PECAM1: variants seen among roughly 807,000 people sequenced by gnomAD.
PECAM1 encodes platelet and endothelial cell adhesion molecule 1, also known as platelet endothelial cell adhesion molecule.
A neutral mutation model predicts 13.8 loss-of-function variants in PECAM1; 8 were observed. The ratio of observed to expected loss-of-function variants is 0.58; its 90% CI spans 0.34 to 1.05. The LOEUF (loss-of-function observed/expected upper bound fraction) is 1.05. PECAM1 is among the 50% of genes least tolerant of loss of function. PECAM1 has a pLI of 0.03. For missense variants in PECAM1, 304 were observed against 141.2 expected (o/e 2.15, Z -5.84); for synonymous variants, 136 against 52.6 (o/e 2.58, Z -6.86).
intron 7 of PECAM1, 58 bp from the exon 8 acceptor site, chr17:64,356,456 G>A: frequency 4.7e-6 from 2 of 422,814 alleles, no homozygotes; most frequent in East Asian, 6.9e-5. Flanking sequence ...AGAGGAACAT[G>A]AGACAGCCAC....
chr17:64,374,346 A>C (rs2036309326), intron 4 of PECAM1, among the ~76,000 whole-genome samples: 2 of 151,690 alleles, frequency 1.3e-5, no homozygotes, highest in African/African-American at 4.8e-5. Flanking sequence ...AAATTTAGCC[A>C]GGCATGGTGG....
intron 2 of PECAM1, among the ~76,000 whole-genome samples, chr17:64,386,059 T>C (rs1369246023): frequency 6.6e-6 from 1 of 151,772 alleles, no homozygotes; most frequent in Non-Finnish European, 1.5e-5. Context: ...GCTAGGCGGG[T>C]GCAGTGGGGA....
At chr17:64,379,469 G>C (rs2036435157) in intron 2 of PECAM1, among the ~76,000 whole-genome samples, 1 of 152,168 alleles carries the variant, frequency 6.6e-6, no homozygotes, top group Non-Finnish European at 1.5e-5. Flanking sequence ...CCATGGGTCA[G>C]GACTTGTATC....
At position 64,339,253 on chromosome 17, in the gene PECAM1, C is replaced by G. The variant is rs912448922; in HGVS notation, c.2164+2381G>C. On this transcript the variant is annotated intron_variant, in intron 14 of 15. Transcript: ENST00000563924. ...ACCTCAGTGATCAAGAGCGTGGAGT[C>G]CACTCCGGGGAGGAACGATTCTCAG... Among the ~76,000 whole-genome samples, 10 of 152,108 alleles carry G rather than the reference C, an allele frequency of 6.6e-5. No homozygotes were observed. The East Asian group carries it at 1.5e-3, about 24-fold the overall frequency.
intron 2 of PECAM1, 115 bp downstream of exon 2, chr17:64,390,373 TC>T (rs1306957415): frequency 4.1e-5 from 17 of 414,070 alleles, no homozygotes; most frequent in Admixed American, 8.8e-5. Flanking sequence ...TGGATTCTTT[TC>T]CTTAATTGTT....
At chr17:64,375,683 G>T (rs1255577371) in intron 3 of PECAM1, among the ~76,000 whole-genome samples, 1 of 151,652 alleles carries the variant, frequency 6.6e-6, no homozygotes, top group African/African-American at 2.4e-5. Context: ...AATTAGCCAG[G>T]GGTAGTTAGT....
rs1199792647 is a variant in PECAM1 at position 64,320,889 on chromosome 17, A to G, written c.*2927T>C. On this transcript the variant is annotated 3_prime_UTR_variant, in exon 16 of 16. Transcript: ENST00000563924. ...ACGGTTCTGTGCCTGTAGGATGTTT[A>G]GGAGCATGCTTGGTTTCTACCCACC... 6.6e-6 allele frequency: 1 copy of G among 152,214 alleles called. No homozygotes were observed. The highest frequency in any genetic ancestry group is 1.5e-5 in the Non-Finnish European group (1 of 68,048). The allele number at this position is 152,214 out of a possible 1,614,324, so 9.4% of individuals were successfully genotyped here. A position where few individuals can be genotyped will look rare whatever the true frequency, so the allele number is the denominator to read the frequency against.
intron 6 of PECAM1, among the ~76,000 whole-genome samples, chr17:64,361,129 A>ATGTGTGTG (rs145637288): frequency 0.3 from 41,449 of 136,886 alleles, 6,954 homozygotes; most frequent in South Asian, 0.44. Context: ...CTGAGCATAT[A>ATGTGTGTG]TGTGTGTGTG....
At chr17:64,341,328 C>CA (rs1328587833) in intron 14 of PECAM1, among the ~76,000 whole-genome samples, 1 of 151,988 alleles carries the variant, frequency 6.6e-6, no homozygotes, top group Non-Finnish European at 1.5e-5. Context: ...GTCTCCAAAG[C>CA]AAAACACTCG....
In PECAM1 at chr17:64,319,667, G is replaced by T. The variant is rs2034784637; in HGVS notation, c.*4149C>A. 1 of 152,188 alleles carries T rather than the reference G, an allele frequency of 6.6e-6. No homozygotes were observed. Among genetic ancestry groups the T allele is most frequent in the South Asian group, 2.1e-4 (1 of 4,830 alleles). 9.4% of individuals were successfully genotyped at this position (152,188 alleles called of 1,614,324 possible). On this transcript the variant is annotated 3_prime_UTR_variant, in exon 16 of 16. Coordinates refer to ENST00000563924, the MANE Select transcript of PECAM1 (RefSeq NM_000442.5). ...GGGTCGCATGCACAGTGTGATTACTGAAGTTGCGCGCATGCTCACTTGAGG... is the reference window on the plus strand; with the variant it reads ...GGGTCGCATGCACAGTGTGATTACTTAAGTTGCGCGCATGCTCACTTGAGG...
chr17:64,372,108 C>T (rs1019980207), intron 4 of PECAM1, among the ~76,000 whole-genome samples: 1 of 151,988 alleles, frequency 6.6e-6, no homozygotes, highest in Non-Finnish European at 1.5e-5. Context: ...AATAATAAAA[C>T]ATTGAAATAC....
At chr17:64,387,222 G>C (rs1006899035) in intron 2 of PECAM1, among the ~76,000 whole-genome samples, 6 of 152,160 alleles carry the variant, frequency 3.9e-5, no homozygotes, top group African/African-American at 9.7e-5. Flanking sequence ...GGAAGTGTCC[G>C]TTGCATTTGG....
At chr17:64,356,472 AACTTTTTTTTTTTTCCTCTGAG>A in intron 7 of PECAM1, 74 bp from the exon 8 acceptor site, 1 of 412,888 alleles carries the variant, frequency 2.4e-6, no homozygotes, top group African/African-American at 2.1e-5. Flanking sequence ...GCCACTGCTC[AACTTTTTTTTTTTTCCTCTGAG>A]ACAGAGTCCC....
intron 15 of PECAM1, among the ~76,000 whole-genome samples, chr17:64,327,680 CA>C (rs2034994685): frequency 6.6e-6 from 1 of 152,188 alleles, no homozygotes; most frequent in Non-Finnish European, 1.5e-5. Context: ...CGGCCACACA[CA>C]CAATTTATAA....
chr17:64,343,450 G>A (rs2035484245), intron 13 of PECAM1, among the ~76,000 whole-genome samples: 2 of 152,134 alleles, frequency 1.3e-5, no homozygotes, highest in South Asian at 2.1e-4. Context: ...ACAACACACC[G>A]ATGTGACTTG....
chr17:64,351,340 TA>T (rs1488462544), intron 11 of PECAM1, among the ~76,000 whole-genome samples: 4 of 152,160 alleles, frequency 2.6e-5, no homozygotes, highest in African/African-American at 4.8e-5. Context: ...TATGTCTCTG[TA>T]AAAAGTATAT....
At chr17:64,362,332 G>A (rs1308799371) in intron 6 of PECAM1, among the ~76,000 whole-genome samples, 1 of 152,192 alleles carries the variant, frequency 6.6e-6, no homozygotes, top group Non-Finnish European at 1.5e-5. Flanking sequence ...GGGTTAGCCA[G>A]GATACAGATT....
At position 64,323,776 on chromosome 17, in the gene PECAM1, C is replaced by G. The variant is rs782629869; in HGVS notation, c.*40G>C. On this transcript the variant is annotated 3_prime_UTR_variant, in exon 16 of 16. Coordinates refer to ENST00000563924, the MANE Select transcript of PECAM1 (RefSeq NM_000442.5). ...CAGGGATTATCTGTTCTTCTCGGAA[C>G]ATGGATGTCCTTCCAGGGATGTGCA... 9.3e-7 allele frequency: 1 copy of G among 1,078,124 alleles called. No homozygotes were observed. The highest frequency in any genetic ancestry group is 1.5e-5 in the African/African-American group (1 of 64,618). 66.8% of individuals were successfully genotyped at this position (1,078,124 alleles called of 1,614,324 possible).
At chr17:64,331,284 C>T (rs2035111383) in intron 14 of PECAM1, among the ~76,000 whole-genome samples, 1 of 151,746 alleles carries the variant, frequency 6.6e-6, no homozygotes, top group African/African-American at 2.4e-5. Context: ...TTCCTGGGTT[C>T]AAGCAATTCT....
Sources: gnomAD v4.1 joint callset for allele counts (sites outside exome capture counted in the v4.1 genomes callset) on GRCh38, gnomAD v4.1.1 for gene constraint, MANE v1.5 for transcripts, NCBI Gene and HGNC (gene_info 2026-07-23, HGNC 2026-07-21) for gene names.